Variants in MAST4 observed in about 807,000 individuals in gnomAD.
The protein encoded by MAST4 is microtubule associated serine/threonine kinase family member 4.
In MAST4, 89 loss-of-function variants were observed where a neutral mutation model predicts 162.7. The observed-to-expected ratio is 0.55, with a 90% CI of 0.46 to 0.65. The LOEUF (loss-of-function observed/expected upper bound fraction) is 0.65. Ranked by LOEUF, MAST4 falls within the 30% of genes least tolerant of loss-of-function variation. MAST4 has a pLI of 0.00. For missense variants in MAST4, 3,153 were observed against 3,374.0 expected, an observed-to-expected ratio of 0.93 and a Z score of 1.62; for synonymous variants, 1,479 against 1,361.1, an observed-to-expected ratio of 1.09 and a Z score of -1.91.
intron 1 of MAST4, among the ~76,000 whole-genome samples, chr5:66,615,203 G>A (rs1743589340): frequency 6.6e-6 from 1 of 152,166 alleles, no homozygotes; most frequent in Admixed American, 6.5e-5. Flanking sequence ...GGGCCAGGAA[G>A]GGAGTCAAGA....
chr5:67,095,363 A>G (rs1764332444), intron 6 of MAST4, among the ~76,000 whole-genome samples: 1 of 152,186 alleles, frequency 6.6e-6, no homozygotes, highest in African/African-American at 2.4e-5. Flanking sequence ...TTAGTGAGAC[A>G]TCAATAATAT....
At chr5:67,159,418 T>A (rs1162929331) in intron 26 of MAST4, among the ~76,000 whole-genome samples, 1 of 152,162 alleles carries the variant, frequency 6.6e-6, no homozygotes, top group Non-Finnish European at 1.5e-5. Context: ...GTAGATGCTA[T>A]CTTTAAGACA....
At chr5:66,795,069 T>C (rs1755585890) in intron 3 of MAST4, among the ~76,000 whole-genome samples, 2 of 152,228 alleles carry the variant, frequency 1.3e-5, no homozygotes, top group Admixed American at 6.5e-5. Context: ...ATTATATCAA[T>C]ACTTCATTAG....
chr5:66,838,048 G>GTAC (rs1758152335), intron 3 of MAST4, among the ~76,000 whole-genome samples: 1 of 151,508 alleles, frequency 6.6e-6, no homozygotes, highest in Non-Finnish European at 1.5e-5. Flanking sequence ...TATCATAGTG[G>GTAC]GGTAGCTGGA....
chr5:66,733,612 C>A (rs1751991583), intron 1 of MAST4, among the ~76,000 whole-genome samples: 1 of 152,068 alleles, frequency 6.6e-6, no homozygotes, highest in African/African-American at 2.4e-5. Context: ...CGCCCGCCAC[C>A]ACGCCCAGAT....
rs1773850724 is a variant in MAST4, at chr5:67,165,776, C to T, written c.6597C>T (p.Asp2199=). Reference sequence around the variant, plus strand: ...GCCACAAGCCCCGGCCTGGCCCTGACCCGGGCCCTCCAAAGACTAAGCACC... The same window carrying T: ...GCCACAAGCCCCGGCCTGGCCCTGATCCGGGCCCTCCAAAGACTAAGCACC... ...SSSHKPRPGP[D]PGPPKTKHPD... Residue 2199 remains aspartate, a synonymous_variant, in exon 29 of 29, where the codon GAC becomes GAT. Transcript: ENST00000403625. 2 of 1,603,544 alleles carry T rather than the reference C, an allele frequency of 1.2e-6. No individual in the cohort carries two copies. Among genetic ancestry groups the T allele is most frequent in the South Asian group, 1.1e-5 (1 of 89,870 alleles).
intron 4 of MAST4, among the ~76,000 whole-genome samples, chr5:66,911,990 G>A (rs1480484935): frequency 6.6e-6 from 1 of 152,176 alleles, no homozygotes; most frequent in Non-Finnish European, 1.5e-5. Context: ...ATTTTCCAAT[G>A]CAGTCTTTTA....
intron 1 of MAST4, among the ~76,000 whole-genome samples, chr5:66,616,304 G>A (rs1001652637): frequency 6.6e-6 from 1 of 152,032 alleles, no homozygotes; most frequent in African/African-American, 2.4e-5. Flanking sequence ...CCCTACCAAG[G>A]TGAGCAGTTC....
At chr5:66,736,099 A>G (rs1195064709) in intron 1 of MAST4, among the ~76,000 whole-genome samples, 1 of 152,224 alleles carries the variant, frequency 6.6e-6, no homozygotes, top group South Asian at 2.1e-4. Flanking sequence ...ACTCCATGGC[A>G]GACCCTAGCA....
At chr5:66,887,339 C>A (rs996626355) in intron 3 of MAST4, among the ~76,000 whole-genome samples, 5 of 152,154 alleles carry the variant, frequency 3.3e-5, no homozygotes, top group Non-Finnish European at 7.3e-5. Flanking sequence ...TTTATGATGC[C>A]AGAGTTGTGT....
Position 66,852,132 on chromosome 5 carries a change from A to T in MAST4, c.643-47819A>T, listed in dbSNP as rs1018525241. On this transcript the variant is annotated intron_variant, in intron 3 of 28. Transcript: ENST00000403625. ...TAGATATATAAGCTGTAATCCTCAA[A>T]ATAGCTAGGCATTATTAACTCCTTT... is the stretch of plus-strand genomic sequence containing the variant. Among the ~76,000 whole-genome samples the T allele has an allele frequency of 3.3e-5, 5 of 152,172 alleles. No individual in the cohort carries two copies. The East Asian group carries it at 9.6e-4, about 29-fold the overall frequency.
At chr5:66,879,361 CAT>C (rs70987144) in intron 3 of MAST4, among the ~76,000 whole-genome samples, 1,630 of 55,032 alleles carry the variant, frequency 0.03, 22 homozygotes, top group African/African-American at 0.066. Context: ...CACACACACA[CAT>C]ATATATATAT....
chr5:66,989,338 C>A (rs1199987334), intron 4 of MAST4, among the ~76,000 whole-genome samples: 1 of 152,194 alleles, frequency 6.6e-6, no homozygotes, highest in Admixed American at 6.5e-5. Context: ...TTATTCTCAT[C>A]AAGGCTTCAG....
intron 4 of MAST4, among the ~76,000 whole-genome samples, chr5:66,912,771 T>A (rs6873806): frequency 0.033 from 4,998 of 152,280 alleles, 152 homozygotes; most frequent in African/African-American, 0.076. Flanking sequence ...TGTTGGTTGG[T>A]CATACCTTTA....
intron 5 of MAST4, among the ~76,000 whole-genome samples, chr5:67,066,252 T>C (rs1307814531): frequency 1.3e-5 from 2 of 152,068 alleles, no homozygotes; most frequent in Admixed American, 1.3e-4. Context: ...TCATCTATAT[T>C]GTCCCCCTTA....
rs768197507 is a variant in MAST4 at position 67,164,703 on chromosome 5, G to T, written c.5524G>T (p.Val1842Phe). 4.3e-5 allele frequency: 69 copies of T among 1,613,864 alleles called. No individual in the cohort carries two copies. The highest frequency in any genetic ancestry group is 5.6e-5 in the Non-Finnish European group (66 of 1,179,898). Residue 1842 changes from valine (V) to phenylalanine (F), a missense_variant, in exon 29 of 29, where the codon GTT becomes TTT. Coordinates refer to ENST00000403625, the MANE Select transcript of MAST4 (RefSeq NM_001164664.2). The surrounding 1 kb of genome is among the most constrained non-coding windows in gnomAD (Gnocchi z 5.3). ...TGACGTGAGGGCCTCTGTGCCACCA[G>T]TTCTCCCCAGCAGCAGTGGGAAAAA... Reference protein sequence around the residue: ...SGDVRASVPPVLPSSSGKKND... With the variant: ...SGDVRASVPPFLPSSSGKKND...
At chr5:66,911,558 ACCCCCC>A (rs59771853) in intron 4 of MAST4, among the ~76,000 whole-genome samples, 381 of 18,084 alleles carry the variant, frequency 0.021, 19 homozygotes, top group African/African-American at 0.058. Context: ...AACAACAACA[ACCCCCC>A]CCCCCCCCCC....
chr5:66,978,774 G>T (rs761600725), intron 4 of MAST4, among the ~76,000 whole-genome samples: 1 of 152,196 alleles, frequency 6.6e-6, no homozygotes, highest in Non-Finnish European at 1.5e-5. Context: ...AGGGATTTTT[G>T]TGGAAGAGGA....
intron 5 of MAST4, among the ~76,000 whole-genome samples, chr5:67,055,108 G>T (rs568072359): frequency 2.0e-5 from 3 of 152,064 alleles, no homozygotes; most frequent in African/African-American, 7.2e-5. Context: ...GGAGCCATTT[G>T]CCCAAGATGT....
Sources: gnomAD v4.1 joint callset for allele counts (sites outside exome capture counted in the v4.1 genomes callset) on GRCh38, gnomAD v4.1.1 for gene constraint, Gnocchi (gnomAD v3.1) non-coding constraint, MANE v1.5 for transcripts, NCBI Gene and HGNC (gene_info 2026-07-23, HGNC 2026-07-21) for gene names.